Variants in RARB observed in about 807,000 individuals in gnomAD.
RARB encodes retinoic acid receptor beta.
In RARB, 17 loss-of-function variants were observed where a neutral mutation model predicts 51.9. That is an observed-to-expected ratio of 0.33 (90% CI 0.22 to 0.49). The LOEUF is 0.49. Ranked by LOEUF, RARB falls within the 20% of genes least tolerant of loss-of-function variation. The pLI, the probability that RARB is intolerant of heterozygous loss-of-function variation, is 0.99. For missense variants in RARB, 369 were observed against 550.8 expected (o/e 0.67, Z 3.30); for synonymous variants, 215 against 195.4 (o/e 1.10, Z -0.84).
At chr3:25,258,101 T>C (rs933630518) in intron 5 of RARB, among the ~76,000 whole-genome samples, 1 of 152,080 alleles carries the variant, frequency 6.6e-6, no homozygotes, top group African/African-American at 2.4e-5. Context: ...AATACATGAA[T>C]AAAGGTTGAC....
At chr3:25,351,145 G>A (rs1705556790) in intron 5 of RARB, among the ~76,000 whole-genome samples, 1 of 152,104 alleles carries the variant, frequency 6.6e-6, no homozygotes. Flanking sequence ...TGGTTAGTGA[G>A]CATTAGCTAT....
At chr3:25,011,293 T>C (rs1339358718) in intron 2 of RARB, among the ~76,000 whole-genome samples, 1 of 151,746 alleles carries the variant, frequency 6.6e-6, no homozygotes, top group East Asian at 1.9e-4. Flanking sequence ...TGAGGAGAGG[T>C]TGCAAGTTCT....
chr3:25,192,114 A>G (rs1300444739), intron 5 of RARB, among the ~76,000 whole-genome samples: 1 of 152,134 alleles, frequency 6.6e-6, no homozygotes, highest in Admixed American at 6.6e-5. Flanking sequence ...CTTGTAGGAC[A>G]TGAAGGTAGT....
intron 2 of RARB, among the ~76,000 whole-genome samples, chr3:24,868,181 T>C (rs2125347185): frequency 6.6e-6 from 1 of 152,284 alleles, no homozygotes; most frequent in Non-Finnish European, 1.5e-5. Flanking sequence ...ATGCATGTGT[T>C]ACATGTGGGT....
rs140262560 is a variant in RARB at position 25,052,887 on chromosome 3, G to GA, written c.-379-7226dup. 1.2e-3 allele frequency among the ~76,000 whole-genome samples: 173 copies of GA among 141,482 alleles called. 1 individual carries two copies. Among genetic ancestry groups the GA allele is most frequent in the South Asian group, 4.7e-3 (21 of 4,508 alleles). The allele number at this position is 141,482 out of a possible 152,430, so 92.8% of individuals were successfully genotyped here. A position where few individuals can be genotyped will look rare whatever the true frequency, so the allele number is the denominator to read the frequency against. ...ACAAGTGAGAGGTAAAAAAGTCATA[G>GA]AAAAAAAAAAAAGATTCTAGATTGT... is the stretch of plus-strand genomic sequence containing the variant. On this transcript the variant is annotated intron_variant, in intron 2 of 11. Coordinates refer to the RARB transcript ENST00000383772.
At chr3:25,439,426 G>A (rs1708567630) in intron 1 of RARB, among the ~76,000 whole-genome samples, 1 of 151,934 alleles carries the variant, frequency 6.6e-6, no homozygotes, top group Non-Finnish European at 1.5e-5. Flanking sequence ...ATTTTTTTGA[G>A]ACAGGGTCTC....
At chr3:24,940,747 G>A (rs1472227801) in intron 2 of RARB, among the ~76,000 whole-genome samples, 1 of 152,168 alleles carries the variant, frequency 6.6e-6, no homozygotes, top group Non-Finnish European at 1.5e-5. Flanking sequence ...CAGGAAGTGG[G>A]GAAAGCATGA....
intron 2 of RARB, among the ~76,000 whole-genome samples, chr3:24,945,050 A>T (rs1379584987): frequency 6.6e-6 from 1 of 152,208 alleles, no homozygotes; most frequent in Non-Finnish European, 1.5e-5. Flanking sequence ...GGGAACAGTG[A>T]CCTAGTTTTT....
At chr3:25,550,719 A>G (rs953429147) in intron 3 of RARB, among the ~76,000 whole-genome samples, 7 of 152,098 alleles carry the variant, frequency 4.6e-5, no homozygotes, top group African/African-American at 1.7e-4. Context: ...TGCATTAGCT[A>G]TTTATCCCGA....
At chr3:25,397,192 C>T in intron 5 of RARB, among the ~76,000 whole-genome samples, 1 of 152,168 alleles carries the variant, frequency 6.6e-6, no homozygotes, top group East Asian at 1.9e-4. Context: ...GAAATGGCTT[C>T]CCTGGGGACT....
At chr3:25,055,582 C>G (rs1445425955) in intron 2 of RARB, among the ~76,000 whole-genome samples, 1 of 152,022 alleles carries the variant, frequency 6.6e-6, no homozygotes, top group Non-Finnish European at 1.5e-5. Context: ...AACTAGCTGT[C>G]TTAAGTAGCT....
intron 2 of RARB, among the ~76,000 whole-genome samples, chr3:24,905,705 G>A (rs1694848522): frequency 2.6e-5 from 4 of 152,200 alleles, no homozygotes; most frequent in Admixed American, 2.6e-4. Flanking sequence ...ACAAAATAAT[G>A]AGGAAGGGTA....
rs1237735167 is a variant in RARB, at chr3:24,838,577, G to A, written c.-459+9174G>A. On this transcript the variant is annotated intron_variant, in intron 1 of 11. Transcript: ENST00000383772. ...AAGCAATGATGTTCTAGTACATCCT[G>A]TAATAAAGCCACTGCAGAGTAAAGA... 2.0e-5 allele frequency among the ~76,000 whole-genome samples: 3 copies of A among 152,172 alleles called. No homozygotes were observed. In the East Asian group the frequency reaches 5.8e-4, roughly 29 times the overall value.
chr3:25,119,568 G>A (rs1699745496), intron 3 of RARB, among the ~76,000 whole-genome samples: 2 of 151,728 alleles, frequency 1.3e-5, no homozygotes, highest in South Asian at 4.2e-4. Flanking sequence ...TCAAATGCAG[G>A]GTGCAGCACA....
chr3:25,212,298 C>T (rs980420570), intron 5 of RARB, among the ~76,000 whole-genome samples: 2 of 152,160 alleles, frequency 1.3e-5, no homozygotes, highest in Admixed American at 6.5e-5. Context: ...TAACAACTTT[C>T]TATTTACGTG....
At chr3:25,247,416 C>T (rs895549181) in intron 5 of RARB, among the ~76,000 whole-genome samples, 2 of 152,188 alleles carry the variant, frequency 1.3e-5, no homozygotes, top group Non-Finnish European at 2.9e-5. Context: ...AACGGCCACC[C>T]AGTTTAGTGC....
intron 5 of RARB, among the ~76,000 whole-genome samples, chr3:25,234,778 T>A (rs1486333073): frequency 1.3e-5 from 2 of 151,806 alleles, no homozygotes; most frequent in African/African-American, 4.8e-5. Flanking sequence ...AGCACAAGAG[T>A]AAATAGGGAA....
intron 5 of RARB, among the ~76,000 whole-genome samples, chr3:25,194,851 G>A (rs1414040021): frequency 6.6e-6 from 1 of 151,788 alleles, no homozygotes; most frequent in Non-Finnish European, 1.5e-5. Context: ...TGGCCGCTCT[G>A]GTCTGTGCCA....
chr3:24,899,627 C>A (rs2125370480), intron 2 of RARB, among the ~76,000 whole-genome samples: 1 of 152,096 alleles, frequency 6.6e-6, no homozygotes. Context: ...GACTAATAAG[C>A]TGGGTAGTGT....
Sources: allele counts gnomAD v4.1 joint callset (sites outside exome capture counted in the v4.1 genomes callset), GRCh38; gene constraint gnomAD v4.1.1; transcripts MANE v1.5; gene names NCBI Gene and HGNC (gene_info 2026-07-23, HGNC 2026-07-21).